The following VWDE variants were observed in gnomAD, a reference collection of about 807,000 sequenced individuals.
VWDE encodes von Willebrand factor D and EGF domain-containing protein.
A neutral mutation model predicts 178.4 loss-of-function variants in VWDE; 207 were observed. The observed-to-expected ratio is 1.16, with a 90% CI of 1.04 to 1.30. The LOEUF (loss-of-function observed/expected upper bound fraction) is 1.30. Among genes scored for constraint, VWDE ranks in the 50% most tolerant of loss-of-function variants. The pLI is 0.00. For missense variants in VWDE, 2,287 were observed against 1,901.3 expected, an observed-to-expected ratio of 1.20 and a Z score of -3.77; for synonymous variants, 738 against 651.4, an observed-to-expected ratio of 1.13 and a Z score of -2.02.
Position 12,386,155 on chromosome 7 carries a change from A to C in VWDE, c.476-2554T>G, listed in dbSNP as rs1193655322. ...CCATGAAACACAGAATTTTCCACAA[A>C]TATTTGGTAATATTATAGGAAGATG... is the stretch of plus-strand genomic sequence containing the variant. On this transcript the variant is annotated intron_variant, in intron 3 of 28. Coordinates refer to ENST00000275358, the MANE Select transcript of VWDE (RefSeq NM_001135924.3). Among the ~76,000 whole-genome samples, 8 of 152,294 alleles carry C rather than the reference A, an allele frequency of 5.3e-5. No homozygotes were observed. The South Asian group carries it at 1.7e-3, about 32-fold the overall frequency.
Position 12,356,254 on chromosome 7 carries a change from A to T in VWDE, c.3602T>A (p.Val1201Glu). The change falls in exon 18 of 29, where the codon GTG (valine) becomes GAG (glutamate). Residue 1201 changes from valine to glutamate, a missense_variant. By Grantham distance (121) the Val-to-Glu change is moderately radical. Coordinates refer to ENST00000275358, the MANE Select transcript of VWDE (RefSeq NM_001135924.3). ...GCCAGGCAAGCAGACACACAGGTAC[A>T]CTCCACTCCCTGGAGAAAAGTTCCT... is the stretch of plus-strand genomic sequence containing the variant. The part of the protein sequence containing the change: ...SDRNFSPGSG[V>E]YLCVCLPGFH... 1 of 1,551,288 alleles carries T rather than the reference A, an allele frequency of 6.4e-7. No homozygotes were observed. Among genetic ancestry groups the T allele is most frequent in the South Asian group, 1.2e-5 (1 of 84,050 alleles).
chr7:12,370,928 A>G, intron 10 of VWDE, 64 bp from the exon 11 acceptor site: 1 of 1,207,832 alleles, frequency 8.3e-7, no homozygotes, highest in South Asian at 2.1e-5. Flanking sequence ...TGGATTAAGA[A>G]AAATCTATTA....
At chr7:12,349,766 A>G (rs1204139000) in intron 19 of VWDE, among the ~76,000 whole-genome samples, 1 of 152,064 alleles carries the variant, frequency 6.6e-6, no homozygotes, top group Non-Finnish European at 1.5e-5. Flanking sequence ...GGCAACTTCT[A>G]TCTAGGAAAA....
chr7:12,364,237 T>C (rs1033254813), intron 13 of VWDE, among the ~76,000 whole-genome samples: 1 of 152,178 alleles, frequency 6.6e-6, no homozygotes, highest in Admixed American at 6.6e-5. Flanking sequence ...TGTACATACA[T>C]AGATTTTCTA....
At chr7:12,377,726 C>T in intron 7 of VWDE, 50 bp downstream of exon 7, 32 of 1,207,108 alleles carry the variant, frequency 2.7e-5, no homozygotes, top group Non-Finnish European at 3.5e-5. Context: ...GAAAAAAAAG[C>T]ATTATTGTTT....
intron 3 of VWDE, 136 bp downstream of exon 3, chr7:12,388,991 A>G: frequency 1.3e-6 from 1 of 780,472 alleles, no homozygotes; most frequent in Non-Finnish European, 2.3e-6. Flanking sequence ...ACAGAAATTT[A>G]GCTTCAATCT....
chr7:12,377,416 TAAA>T (rs1005053511), intron 7 of VWDE: 2 of 158,310 alleles, frequency 1.3e-5, no homozygotes, highest in African/African-American at 2.4e-5. Flanking sequence ...TGAAAAATCT[TAAA>T]GAGCAGTTTT....
At chr7:12,393,086 C>A (rs1784460946) in intron 2 of VWDE, among the ~76,000 whole-genome samples, 2 of 152,038 alleles carry the variant, frequency 1.3e-5, no homozygotes, top group Admixed American at 1.3e-4. Flanking sequence ...TCTTATTAGT[C>A]TTAGAATAGG....
In VWDE at chr7:12,389,021, G is replaced by A. The variant is rs181825676; in HGVS notation, c.475+106C>T. On this transcript the variant is annotated intron_variant, in intron 3 of 28. Coordinates refer to ENST00000275358, the MANE Select transcript of VWDE (RefSeq NM_001135924.3). The stretch of plus-strand genomic sequence containing the variant: ...CAATCTAGCAATAATGGTAGACTGA[G>A]TATCTTACTGAGATTTGCACTAACT... 492 of 847,392 alleles carry A rather than the reference G, an allele frequency of 5.8e-4. 3 individuals are homozygous for A. The African/African-American group carries it at 6.8e-3, about 12-fold the overall frequency. The allele number at this position is 847,392 out of a possible 1,614,324, so 52.5% of individuals were successfully genotyped here. A position where few individuals can be genotyped will look rare whatever the true frequency, so the allele number is the denominator to read the frequency against.
intron 18 of VWDE, among the ~76,000 whole-genome samples, chr7:12,355,094 G>A (rs983403669): frequency 2.0e-5 from 3 of 152,192 alleles, no homozygotes; most frequent in African/African-American, 7.2e-5. Flanking sequence ...AAGTAGAAAA[G>A]AGATCTACAT....
chr7:12,339,449 T>G (rs1043239398), intron 24 of VWDE, among the ~76,000 whole-genome samples: 2 of 152,128 alleles, frequency 1.3e-5, no homozygotes, highest in African/African-American at 4.8e-5. Context: ...TTCTTTCTGT[T>G]TCTCAAACTG....
In VWDE at chr7:12,367,509, A is replaced by G. The variant is rs1782928946; in HGVS notation, c.2762-16T>C. The G allele has an allele frequency of 1.8e-5, 27 of 1,486,298 alleles. No homozygotes were observed. The highest frequency in any genetic ancestry group is 2.3e-5 in the Non-Finnish European group (26 of 1,119,038). 92.1% of individuals were successfully genotyped at this position (1,486,298 alleles called of 1,614,324 possible). On this transcript the variant is annotated splice_polypyrimidine_tract_variant and intron_variant, in intron 12 of 28. Transcript: ENST00000275358. ...GGAGCTTTGTCTTTGGAAAAAAAATATAACAAATACTACATATTTTACTTA... is the reference window on the plus strand; with the variant it reads ...GGAGCTTTGTCTTTGGAAAAAAAATGTAACAAATACTACATATTTTACTTA...
intron 18 of VWDE, among the ~76,000 whole-genome samples, chr7:12,353,403 C>A (rs1241591680): frequency 1.2e-5 from 1 of 81,092 alleles, no homozygotes; most frequent in African/African-American, 4.6e-5. Flanking sequence ...GGAGTTAGGG[C>A]TTCAACATAT....
intron 17 of VWDE, 115 bp from the exon 18 acceptor site, chr7:12,356,445 A>G (rs947618595): frequency 2.0e-5 from 14 of 702,264 alleles, no homozygotes; most frequent in Non-Finnish European, 2.3e-6. Flanking sequence ...CAAATCACTT[A>G]TATTTGATAT....
intron 7 of VWDE, 95 bp downstream of exon 7, chr7:12,377,681 A>G: frequency 1.4e-6 from 1 of 720,204 alleles, no homozygotes; most frequent in East Asian, 3.4e-5. Flanking sequence ...AACATGATTT[A>G]TTATATGAGT....
At chr7:12,360,165 G>A (rs774378094) in intron 15 of VWDE, among the ~76,000 whole-genome samples, 1 of 151,992 alleles carries the variant, frequency 6.6e-6, no homozygotes, top group Non-Finnish European at 1.5e-5. Flanking sequence ...ATCCACACTT[G>A]ATAATGGATA....
intron 27 of VWDE, among the ~76,000 whole-genome samples, chr7:12,333,983 C>A (rs112026019): frequency 5.3e-5 from 8 of 152,086 alleles, no homozygotes; most frequent in African/African-American, 1.9e-4. Context: ...GAAAATTTGA[C>A]AATTTTTATA....
chr7:12,361,950 C>T (rs532054686), intron 13 of VWDE, among the ~76,000 whole-genome samples: 12 of 152,158 alleles, frequency 7.9e-5, no homozygotes, highest in African/African-American at 2.4e-4. Flanking sequence ...ACAATTCCCA[C>T]AGGGTCTCTC....
intron 9 of VWDE, among the ~76,000 whole-genome samples, chr7:12,374,416 AAG>A (rs1214157052): frequency 6.6e-6 from 1 of 152,084 alleles, no homozygotes; most frequent in African/African-American, 2.4e-5. Flanking sequence ...TAAAAATTTA[AAG>A]AGTCTAGCAA....
Sources: gnomAD v4.1 joint callset for allele counts (sites outside exome capture counted in the v4.1 genomes callset) on GRCh38, gnomAD v4.1.1 for gene constraint, MANE v1.5 for transcripts, NCBI Gene and HGNC (gene_info 2026-07-23, HGNC 2026-07-21) for gene names.